OVCH1: variants seen among roughly 807,000 people sequenced by gnomAD.
OVCH1 encodes ovochymase 1, also known as ovochymase-1.
OVCH1 carries 139 observed loss-of-function variants against 138.4 expected under a neutral mutation model. That is an observed-to-expected ratio of 1.00 (90% CI 0.87 to 1.16). The LOEUF (loss-of-function observed/expected upper bound fraction) is 1.16, where lower values mean the gene tolerates loss of function less well. Among genes scored for constraint, OVCH1 ranks in the 50% most tolerant of loss-of-function variants. The pLI is 0.00. For synonymous variants in OVCH1, 453 were observed against 467.8 expected (o/e 0.97, Z 0.41); for missense variants, 1,367 against 1,357.9 (o/e 1.01, Z -0.11).
Position 29,455,236 on chromosome 12 carries a change from G to C in OVCH1, c.2437+13C>G, listed in dbSNP as rs747218531. ...AGAGGTTATTGTTTTAATAACATTT[G>C]AAAACAATTTACCATTGATTTTTGA... is the stretch of plus-strand genomic sequence containing the variant. On this transcript the variant is annotated intron_variant, in intron 20 of 27. Transcript: ENST00000318184. 4 of 1,610,210 alleles carry C rather than the reference G, an allele frequency of 2.5e-6. No homozygotes were observed. The South Asian group carries it at 4.4e-5, about 18-fold the overall frequency.
chr12:29,460,910 T>G (rs557088205), intron 19 of OVCH1, among the ~76,000 whole-genome samples: 2 of 152,282 alleles, frequency 1.3e-5, no homozygotes, highest in African/African-American at 4.8e-5. Flanking sequence ...GGCTTGACAT[T>G]ATAAAAGGAA....
At chr12:29,465,998 C>A (rs7313307) in intron 16 of OVCH1, among the ~76,000 whole-genome samples, 6,474 of 147,168 alleles carry the variant, frequency 0.044, 169 homozygotes, top group East Asian at 0.07. Context: ...ATCGCAAGGG[C>A]AAAAAACCAG....
At chr12:29,483,995 G>C (rs1334612047) in intron 8 of OVCH1, among the ~76,000 whole-genome samples, 1 of 152,142 alleles carries the variant, frequency 6.6e-6, no homozygotes. Context: ...TTGTAGTATA[G>C]TTATTTTTGT....
intron 5 of OVCH1, 51 bp downstream of exon 5, chr12:29,491,046 T>C: frequency 6.9e-7 from 1 of 1,447,160 alleles, no homozygotes; most frequent in Non-Finnish European, 9.7e-7. Flanking sequence ...CTGCTTCCCC[T>C]GGACATACAG....
At chr12:29,479,824 CTT>C (rs34551074) in intron 8 of OVCH1, among the ~76,000 whole-genome samples, 66 of 128,384 alleles carry the variant, frequency 5.1e-4, no homozygotes, top group African/African-American at 1.1e-3. Flanking sequence ...TCTTTTTTTT[CTT>C]TTTTTTTTTT....
At position 29,445,410 on chromosome 12, in the gene OVCH1, TA is replaced by T. The variant is rs770599357; in HGVS notation, c.2756-8del. 2.5e-6 allele frequency: 4 copies of T among 1,597,566 alleles called. No homozygotes were observed. Among genetic ancestry groups the T allele is most frequent in the Non-Finnish European group, 3.4e-6 (4 of 1,173,278 alleles). On this transcript the variant is annotated splice_polypyrimidine_tract_variant and splice_region_variant and intron_variant, in intron 22 of 27. Transcript: ENST00000318184. Reference sequence around the variant, plus strand: ...CTTCTTCCATGTAATCCACCTAGGTTAAAAAGTGAACTCTAGTAAAAAATAA... The same window carrying T: ...CTTCTTCCATGTAATCCACCTAGGTTAAAAGTGAACTCTAGTAAAAAATAA...
intron 8 of OVCH1, among the ~76,000 whole-genome samples, chr12:29,483,396 C>T (rs1424778002): frequency 2.6e-5 from 4 of 152,154 alleles, no homozygotes; most frequent in Admixed American, 6.5e-5. Context: ...GACCATTAAG[C>T]GTTTTAAATT....
intron 12 of OVCH1, 121 bp downstream of exon 12, chr12:29,476,981 G>A (rs1942757880): frequency 8.4e-7 from 1 of 1,184,238 alleles, no homozygotes; most frequent in Admixed American, 3.4e-5. Context: ...AAAAAAAAAT[G>A]GCAAATGGCT....
intron 8 of OVCH1, among the ~76,000 whole-genome samples, 164 bp from the exon 10 acceptor site, chr12:29,479,132 A>T (rs1324185148): frequency 6.6e-6 from 1 of 152,214 alleles, no homozygotes; most frequent in Non-Finnish European, 1.5e-5. Flanking sequence ...TCGTGCTCAA[A>T]TTAATAACAT....
chr12:29,454,495 T>C (rs187725617), intron 21 of OVCH1, among the ~76,000 whole-genome samples: 36 of 152,310 alleles, frequency 2.4e-4, no homozygotes, highest in African/African-American at 8.7e-4. Context: ...GCGCTAGTCT[T>C]GGTCATCTCA....
chr12:29,444,080 G>T, intron 24 of OVCH1, 65 bp downstream of exon 24: 1 of 1,501,296 alleles, frequency 6.7e-7, no homozygotes, highest in Non-Finnish European at 9.0e-7. Flanking sequence ...AGTACCAAGT[G>T]TTGATGTCAG....
intron 16 of OVCH1, among the ~76,000 whole-genome samples, chr12:29,469,599 G>A (rs1291626318): frequency 1.3e-5 from 2 of 152,112 alleles, no homozygotes; most frequent in African/African-American, 2.4e-5. Context: ...GGTCAGGAAA[G>A]TGGGGCACTG....
intron 3 of OVCH1, among the ~76,000 whole-genome samples, chr12:29,417,771 GTGTGTGTGTGTGTGTGTGTGTGTC>G (rs1941050770): frequency 2.3e-5 from 2 of 87,472 alleles, no homozygotes; most frequent in Non-Finnish European, 4.3e-5. Context: ...GTGTGTGTGT[GTGTGTGTGTGTGTGTGTGTGTGTC>G]TGTGTCTGTG....
At chr12:29,426,164 A>C (rs964539330), downstream of OVCH1, 3 of 152,120 alleles carry the variant, frequency 2.0e-5, no homozygotes, top group African/African-American at 7.2e-5. Flanking sequence ...CCACTTTCTA[A>C]ATCACCACCT....
chr12:29,429,187 C>T (rs1022057076), intron 27 of OVCH1, among the ~76,000 whole-genome samples: 1 of 152,196 alleles, frequency 6.6e-6, no homozygotes, highest in Non-Finnish European at 1.5e-5. Context: ...TGAGTAAATA[C>T]ATTTTCAAAA....
intron 17 of OVCH1, 134 bp downstream of exon 17, chr12:29,465,013 T>C: frequency 1.2e-6 from 1 of 811,550 alleles, no homozygotes; most frequent in Non-Finnish European, 1.9e-6. Flanking sequence ...CATTTTTAAA[T>C]GTGGGTATAA....
chr12:29,485,412 G>C (rs377626839), intron 8 of OVCH1, among the ~76,000 whole-genome samples: 1 of 151,838 alleles, frequency 6.6e-6, no homozygotes, highest in South Asian at 2.1e-4. Context: ...AGGCCGAGGC[G>C]GGTGGATCAT....
At chr12:29,425,596 T>C (rs888485797), downstream of OVCH1, among the ~76,000 whole-genome samples, 12 of 152,196 alleles carry the variant, frequency 7.9e-5, no homozygotes, top group African/African-American at 2.9e-4. Flanking sequence ...TTTCTACTTA[T>C]TAGCGATGTC....
chr12:29,417,620 A>G (rs75455433), intron 3 of OVCH1, among the ~76,000 whole-genome samples: 3,435 of 152,242 alleles, frequency 0.023, 115 homozygotes, highest in African/African-American at 0.077. Context: ...CTTAAACTGC[A>G]TGTAAATCTA....
Sources: allele counts gnomAD v4.1 joint callset (sites outside exome capture counted in the v4.1 genomes callset), GRCh38; gene constraint gnomAD v4.1.1; transcripts MANE v1.5; gene names NCBI Gene and HGNC (gene_info 2026-07-23, HGNC 2026-07-21).